KIAA1217: variants seen among roughly 807,000 people sequenced by gnomAD.
KIAA1217 encodes the protein sickle tail protein homolog.
In KIAA1217, 88 loss-of-function variants were observed where a neutral mutation model predicts 163.9. The ratio of observed to expected loss-of-function variants is 0.54; its 90% CI spans 0.45 to 0.64. The LOEUF (loss-of-function observed/expected upper bound fraction) is 0.64. Among genes scored for constraint, KIAA1217 ranks in the 30% least tolerant of loss-of-function variants. The pLI is 0.00. For synonymous variants in KIAA1217, 903 were observed against 923.1 expected, an observed-to-expected ratio of 0.98 and a Z score of 0.39; for missense variants, 2,372 against 2,475.0, an observed-to-expected ratio of 0.96 and a Z score of 0.88.
chr10:24,275,567 G>A, intron 2 of KIAA1217: 1 of 443,712 alleles, frequency 2.3e-6, no homozygotes, highest in Middle Eastern at 7.3e-4. Context: ...ACAGATTTTA[G>A]GTGATGGGCA....
intron 17 of KIAA1217, among the ~76,000 whole-genome samples, chr10:24,541,200 A>T (rs2075012758): frequency 7.4e-6 from 1 of 135,678 alleles, no homozygotes; most frequent in Non-Finnish European, 1.7e-5. Flanking sequence ...AGGAAGCTCA[A>T]TTATTTTTCT....
At chr10:23,864,718 C>T (rs367833898) in intron 1 of KIAA1217, among the ~76,000 whole-genome samples, 155 of 152,132 alleles carry the variant, frequency 1.0e-3, no homozygotes, top group African/African-American at 3.5e-3. Context: ...AAAAACAGAA[C>T]AAATAGACTG....
chr10:23,795,336 G>A (rs1836147499), intron 1 of KIAA1217, among the ~76,000 whole-genome samples: 1 of 151,980 alleles, frequency 6.6e-6, no homozygotes, highest in South Asian at 2.1e-4. Flanking sequence ...TTATCTTGTT[G>A]CCAAATTGAA....
At chr10:24,142,593 T>G (rs2064134473) in intron 2 of KIAA1217, among the ~76,000 whole-genome samples, 2 of 152,154 alleles carry the variant, frequency 1.3e-5, no homozygotes, top group African/African-American at 2.4e-5. Flanking sequence ...TTACACCCCT[T>G]GAATCTATAA....
rs936620927 is a variant in KIAA1217 at position 24,172,089 on chromosome 10, A to G, written c.-170-47537A>G. 2.0e-5 allele frequency among the ~76,000 whole-genome samples: 3 copies of G among 152,198 alleles called. No homozygotes were observed. The South Asian group carries it at 6.2e-4, about 32-fold the overall frequency. ...TGATGAAACAAAAAATTAAGCCCCA[A>G]ACTTTGGCTATTATACTGAGAGTAT... On this transcript the variant is annotated intron_variant, in intron 2 of 18. Coordinates refer to the KIAA1217 transcript ENST00000376462.
chr10:24,243,044 A>G, intron 2 of KIAA1217, among the ~76,000 whole-genome samples: 1 of 151,962 alleles, frequency 6.6e-6, no homozygotes, highest in African/African-American at 2.4e-5. Flanking sequence ...TGCTCTGTTG[A>G]TGGTTTCTTT....
chr10:23,704,263 T>C (rs747746425), intron 1 of KIAA1217, among the ~76,000 whole-genome samples: 1 of 143,924 alleles, frequency 6.9e-6, no homozygotes, highest in Non-Finnish European at 1.5e-5. Context: ...CTTCTTTTTT[T>C]CTTTCCTTTC....
chr10:24,462,323 T>C (rs1055793721), intron 5 of KIAA1217, among the ~76,000 whole-genome samples: 5 of 152,154 alleles, frequency 3.3e-5, no homozygotes, highest in African/African-American at 9.7e-5. Context: ...TTCTTTTCCT[T>C]TGCTGTGAAA....
intron 1 of KIAA1217, among the ~76,000 whole-genome samples, chr10:23,954,273 A>AG (rs1425212970): frequency 2.0e-5 from 3 of 152,132 alleles, no homozygotes; most frequent in African/African-American, 7.2e-5. Flanking sequence ...CCTCAATGAA[A>AG]GGGAAAGGGG....
In KIAA1217 at chr10:24,484,741, G is replaced by C. The variant is rs138116232; in HGVS notation, c.1680-9759G>C. On this transcript the variant is annotated intron_variant, in intron 6 of 20. Coordinates refer to ENST00000376454, the MANE Select transcript of KIAA1217 (RefSeq NM_019590.5). The stretch of plus-strand genomic sequence containing the variant: ...TGTGCCTGGCAGAGGGACAAGTTCT[G>C]TGCAATTTAAATGAAAATAGCTATT... 9.9e-5 allele frequency among the ~76,000 whole-genome samples: 15 copies of C among 152,190 alleles called. No individual in the cohort carries two copies. In the East Asian group the frequency reaches 2.9e-3, roughly 29 times the overall value.
intron 1 of KIAA1217, among the ~76,000 whole-genome samples, chr10:23,784,001 T>G (rs1323297888): frequency 6.6e-6 from 1 of 152,054 alleles, no homozygotes; most frequent in Non-Finnish European, 1.5e-5. Flanking sequence ...AAAAAAAAAC[T>G]TTTGTTGGTT....
At chr10:24,032,790 T>TTC (rs1848240162) in intron 2 of KIAA1217, among the ~76,000 whole-genome samples, 1 of 152,172 alleles carries the variant, frequency 6.6e-6, no homozygotes, top group African/African-American at 2.4e-5. Flanking sequence ...AGATTATACG[T>TTC]TCAATAATAT....
intron 1 of KIAA1217, among the ~76,000 whole-genome samples, chr10:23,763,696 C>T (rs1834376109): frequency 1.3e-5 from 2 of 152,172 alleles, no homozygotes; most frequent in South Asian, 2.1e-4. Flanking sequence ...TGGGCGAAGA[C>T]TTCATGACAA....
At chr10:23,790,334 TGC>T (rs1311849381) in intron 1 of KIAA1217, among the ~76,000 whole-genome samples, 1 of 125,046 alleles carries the variant, frequency 8.0e-6, no homozygotes, top group Non-Finnish European at 1.6e-5. Flanking sequence ...TATGCATATA[TGC>T]ATATATACAT....
chr10:24,347,778 C>G (rs2047972780), intron 2 of KIAA1217, among the ~76,000 whole-genome samples: 1 of 152,040 alleles, frequency 6.6e-6, no homozygotes, highest in Non-Finnish European at 1.5e-5. Context: ...TTTTTCCCCC[C>G]AGCTTTATTG....
intron 2 of KIAA1217, among the ~76,000 whole-genome samples, chr10:24,354,435 G>A (rs1225850293): frequency 1.3e-5 from 2 of 152,202 alleles, no homozygotes; most frequent in Non-Finnish European, 2.9e-5. Context: ...AACTCTCAAA[G>A]CTGCAGTGGG....
chr10:24,021,467 G>GAGAT (rs1168013692), intron 2 of KIAA1217, among the ~76,000 whole-genome samples: 1 of 151,864 alleles, frequency 6.6e-6, no homozygotes, highest in East Asian at 1.9e-4. Flanking sequence ...TAAATGAAGA[G>GAGAT]AGATACATAT....
rs12255124 is a variant in KIAA1217, at chr10:23,701,803, C to T, written c.-321+6569C>T. Among the ~76,000 whole-genome samples the T allele has an allele frequency of 2.1e-3, 321 of 152,186 alleles. 1 individual carries two copies. Among genetic ancestry groups the T allele is most frequent in the African/African-American group, 6.5e-3 (271 of 41,502 alleles). On this transcript the variant is annotated intron_variant, in intron 1 of 18. Coordinates refer to the KIAA1217 transcript ENST00000376462. ...ACATTGTGAGCAGATATTGCGTGTA[C>T]GTGTTAAAGTTTAGTACCTTATTAC...
In KIAA1217 at chr10:24,089,771, C is replaced by G. The variant is rs935477359; in HGVS notation, c.-171+82397C>G. On this transcript the variant is annotated intron_variant, in intron 2 of 18. Coordinates refer to the KIAA1217 transcript ENST00000376462. The stretch of plus-strand genomic sequence containing the variant: ...GACCCTTTCAAGGAGAACTACAAAC[C>G]ACTGCTCAATGAAATAAAAGAGGAT... Among the ~76,000 whole-genome samples, 55 of 151,684 alleles carry G rather than the reference C, an allele frequency of 3.6e-4. 1 individual carries two copies. Among genetic ancestry groups the G allele is most frequent in the African/African-American group, 1.3e-3 (53 of 41,014 alleles).
Sources: gnomAD v4.1 joint callset for allele counts (sites outside exome capture counted in the v4.1 genomes callset) on GRCh38, gnomAD v4.1.1 for gene constraint, MANE v1.5 for transcripts, NCBI Gene and HGNC (gene_info 2026-07-23, HGNC 2026-07-21) for gene names.